ANKRD36B: variants seen among roughly 807,000 people sequenced by gnomAD.
The protein encoded by ANKRD36B is ankyrin repeat domain-containing protein 36B.
A neutral mutation model predicts 135.7 loss-of-function variants in ANKRD36B; 37 were observed. The observed-to-expected ratio is 0.27, with a 90% CI of 0.21 to 0.36. ANKRD36B has a LOEUF of 0.36. ANKRD36B is among the 10% of genes least tolerant of loss of function. The pLI, the probability that ANKRD36B is intolerant of heterozygous loss-of-function variation, is 1.00. For synonymous variants in ANKRD36B, 179 were observed against 348.1 expected, an observed-to-expected ratio of 0.51 and a Z score of 5.41; for missense variants, 549 against 1,037.1, an observed-to-expected ratio of 0.53 and a Z score of 6.46.
chr2:97,589,577 T>C lies in ANKRD36B; in HGVS notation c.109A>G (p.Lys37Glu). The change falls in exon 1 of 44, where the codon AAG becomes GAG. Residue 37 changes from lysine (K) to glutamate (E), a missense_variant. Coordinates refer to ENST00000359901, the MANE Select transcript of ANKRD36B (RefSeq NM_001393939.1). Reference sequence around the variant, plus strand: ...TCATAATACGTGAGCAGAAGGTACTTCAGTTTCTCCAGATTACCACGTAAG... The same window carrying C: ...TCATAATACGTGAGCAGAAGGTACTCCAGTTTCTCCAGATTACCACGTAAG... ...AVLRGNLEKL[K>E]YLLLTYYDAN... 1 of 1,613,112 alleles carries C rather than the reference T, an allele frequency of 6.2e-7. No homozygotes were observed. Among genetic ancestry groups the C allele is most frequent in the African/African-American group, 1.3e-5 (1 of 74,934 alleles).
Position 97,575,390 on chromosome 2 carries a change from A to C in ANKRD36B, c.763+989T>G, listed in dbSNP as rs549807722. Among the ~76,000 whole-genome samples the C allele has an allele frequency of 2.6e-5, 4 of 152,134 alleles. No individual in the cohort carries two copies. The East Asian group carries it at 7.7e-4, about 29-fold the overall frequency. ...GAAGGGAAGTTATTCTTCCCTGTTG[A>C]CCAGCTGTACTTCTCCATTCAGTGA... On this transcript the variant is annotated intron_variant, in intron 6 of 43. Coordinates refer to ENST00000359901, the MANE Select transcript of ANKRD36B (RefSeq NM_001393939.1).
rs2078746469 is a variant in ANKRD36B, at chr2:97,534,134, A to G, written c.2192-1750T>C. 3.1e-5 allele frequency among the ~76,000 whole-genome samples: 3 copies of G among 96,110 alleles called. 1 individual carries two copies. The highest frequency in any genetic ancestry group is 2.8e-4 in the Admixed American group (3 of 10,838). 63.1% of individuals were successfully genotyped at this position (96,110 alleles called of 152,430 possible). On this transcript the variant is annotated intron_variant, in intron 34 of 43. Coordinates refer to ENST00000359901, the MANE Select transcript of ANKRD36B (RefSeq NM_001393939.1). Reference sequence around the variant, plus strand: ...AAATGAAAAAATTAAATTTCCACAGACATTAATAACATTTTATACTTCAAA... The same window carrying G: ...AAATGAAAAAATTAAATTTCCACAGGCATTAATAACATTTTATACTTCAAA...
chr2:97,545,881 C>T lies in ANKRD36B; in HGVS notation c.1580-20G>A. 4.3e-6 allele frequency: 4 copies of T among 925,382 alleles called. 2 individuals carry two copies. In the South Asian group the frequency reaches 4.8e-5, roughly 11 times the overall value. The allele number at this position is 925,382 out of a possible 1,614,324, so 57.3% of individuals were successfully genotyped here. A position where few individuals can be genotyped will look rare whatever the true frequency, so the allele number is the denominator to read the frequency against. ...AAGACACTGAAAAGCAAAAGGGATACATAATCACTCATACATAAATATGAT... is the reference window on the plus strand; with the variant it reads ...AAGACACTGAAAAGCAAAAGGGATATATAATCACTCATACATAAATATGAT... On this transcript the variant is annotated intron_variant, in intron 22 of 43. Transcript: ENST00000359901.
chr2:97,562,384 A>G (rs573239555), intron 6 of ANKRD36B, among the ~76,000 whole-genome samples: 2 of 152,060 alleles, frequency 1.3e-5, no homozygotes, highest in South Asian at 4.2e-4. Context: ...GTTCTTTTAC[A>G]AAATAACTAC....
At position 97,525,944 on chromosome 2, in the gene ANKRD36B, C is replaced by G. The variant is rs561867654; in HGVS notation, c.2266-2477G>C. 5.1e-5 allele frequency among the ~76,000 whole-genome samples: 5 copies of G among 98,456 alleles called. No individual in the cohort carries two copies. In the South Asian group the frequency reaches 1.2e-3, roughly 23 times the overall value. The allele number at this position is 98,456 out of a possible 152,430, so 64.6% of individuals were successfully genotyped here. A position where few individuals can be genotyped will look rare whatever the true frequency, so the allele number is the denominator to read the frequency against. On this transcript the variant is annotated intron_variant, in intron 35 of 43. Coordinates refer to ENST00000359901, the MANE Select transcript of ANKRD36B (RefSeq NM_001393939.1). ...ACCCACCACAGCTCAAGGAGGCCTT[C>G]CTGCCTCTGTAGGCTCCACCTCTGG...
intron 30 of ANKRD36B, chr2:97,539,574 C>T (rs2079046863): frequency 1.0e-5 from 1 of 97,656 alleles, no homozygotes; most frequent in Admixed American, 9.1e-5. Flanking sequence ...CTGACAATCC[C>T]TCTTCCTTGA....
chr2:97,557,740 C>T (rs1041297167), intron 10 of ANKRD36B, among the ~76,000 whole-genome samples: 3 of 151,852 alleles, frequency 2.0e-5, no homozygotes, highest in African/African-American at 7.2e-5. Flanking sequence ...AATGTGCCTA[C>T]ATTTGTTGTG....
intron 6 of ANKRD36B, among the ~76,000 whole-genome samples, chr2:97,571,654 AT>A (rs1484915171): frequency 7.9e-5 from 12 of 152,248 alleles, no homozygotes; most frequent in African/African-American, 2.4e-4. Context: ...TCAAAAAAAA[AT>A]CTATTAATAA....
chr2:97,526,692 T>C (rs2078231995), intron 35 of ANKRD36B, among the ~76,000 whole-genome samples: 1 of 95,982 alleles, frequency 1.0e-5, no homozygotes, highest in Non-Finnish European at 2.8e-5. Flanking sequence ...GAATAACCAA[T>C]ACAGAGAAGT....
chr2:97,549,259 TCAGCA>T (rs2079799825), intron 20 of ANKRD36B, among the ~76,000 whole-genome samples, 155 bp downstream of exon 20: 3 of 151,830 alleles, frequency 2.0e-5, no homozygotes, highest in Non-Finnish European at 2.9e-5. Flanking sequence ...AGCATCAGCA[TCAGCA>T]TCAGCATCAC....
intron 8 of ANKRD36B, among the ~76,000 whole-genome samples, chr2:97,559,719 C>T (rs1037670954): frequency 2.0e-5 from 3 of 151,880 alleles, no homozygotes; most frequent in African/African-American, 4.8e-5. Context: ...AGTAAAACTG[C>T]TACAAGCATT....
At chr2:97,568,816 C>G (rs1049694665) in intron 6 of ANKRD36B, among the ~76,000 whole-genome samples, 1 of 152,112 alleles carries the variant, frequency 6.6e-6, no homozygotes, top group Non-Finnish European at 1.5e-5. Flanking sequence ...AACAACAAAT[C>G]TTTGTCACTA....
At chr2:97,548,310 C>T (rs1216179170) in intron 20 of ANKRD36B, among the ~76,000 whole-genome samples, 1 of 151,908 alleles carries the variant, frequency 6.6e-6, no homozygotes. Flanking sequence ...TTATCTCTCA[C>T]ACCCATATGG....
At chr2:97,547,655 A>G in intron 21 of ANKRD36B, 47 bp from the exon 22 acceptor site, 7 of 1,555,196 alleles carry the variant, frequency 4.5e-6, no homozygotes, top group Non-Finnish European at 6.1e-6. Flanking sequence ...AGTATGTTTC[A>G]TAGACTATAC....
chr2:97,558,531 G>A (rs1352038543), intron 10 of ANKRD36B, among the ~76,000 whole-genome samples: 1 of 151,814 alleles, frequency 6.6e-6, no homozygotes, highest in East Asian at 1.9e-4. Context: ...TAGAATTAAT[G>A]CAAAATTATG....
At chr2:97,526,551 G>A (rs1205223090) in intron 35 of ANKRD36B, among the ~76,000 whole-genome samples, 3 of 97,858 alleles carry the variant, frequency 3.1e-5, no homozygotes, top group East Asian at 2.3e-4. Flanking sequence ...AAAGCTGGAC[G>A]GAGAATGACT....
rs562263701 is a variant in ANKRD36B, at chr2:97,559,420, T to C, written c.866-426A>G. Reference sequence around the variant, plus strand: ...ACAGATGTTCATTATGCCCTTTAACTTGCCCAATAACTAGAAGGTACACAA... The same window carrying C: ...ACAGATGTTCATTATGCCCTTTAACCTGCCCAATAACTAGAAGGTACACAA... On this transcript the variant is annotated intron_variant, in intron 8 of 43. Transcript: ENST00000359901. Among the ~76,000 whole-genome samples the C allele has an allele frequency of 2.0e-5, 3 of 151,854 alleles. No individual in the cohort carries two copies. In the East Asian group the frequency reaches 5.8e-4, roughly 29 times the overall value.
In ANKRD36B at chr2:97,589,510, C is replaced by T. The variant is rs2083273249; in HGVS notation, c.161+15G>A. 2 of 1,566,078 alleles carry T rather than the reference C, an allele frequency of 1.3e-6. No individual in the cohort carries two copies. The highest frequency in any genetic ancestry group is 1.7e-6 in the Non-Finnish European group (2 of 1,155,470). On this transcript the variant is annotated intron_variant, in intron 1 of 43. Coordinates refer to ENST00000359901, the MANE Select transcript of ANKRD36B (RefSeq NM_001393939.1). ...CAGGCCTCCTCCCGCAGCCCCGGCT[C>T]CCGGCCCCCATTACCTTTCCTTCCT... is the stretch of plus-strand genomic sequence containing the variant.
At chr2:97,559,399 A>C (rs1253859143) in intron 8 of ANKRD36B, among the ~76,000 whole-genome samples, 1 of 151,896 alleles carries the variant, frequency 6.6e-6, no homozygotes, top group African/African-American at 2.4e-5. Context: ...TATACTACAG[A>C]TGTTCATTAT....
Sources: allele counts gnomAD v4.1 joint callset (sites outside exome capture counted in the v4.1 genomes callset), GRCh38; gene constraint gnomAD v4.1.1; transcripts MANE v1.5; gene names NCBI Gene and HGNC (gene_info 2026-07-23, HGNC 2026-07-21).